AKAP19: variants seen among roughly 807,000 people sequenced by gnomAD.
AKAP19 encodes the protein small A-kinase anchoring protein.
the AKAP19 span, among the ~76,000 whole-genome samples, chr2:189,891,448 C>A: frequency 6.6e-6 from 1 of 151,972 alleles, no homozygotes; most frequent in Non-Finnish European, 1.5e-5. Context: ...TGGTCTCAAT[C>A]TCCTGACCTC....
chr2:190,102,210 G>A, the AKAP19 span, among the ~76,000 whole-genome samples: 1 of 152,032 alleles, frequency 6.6e-6, no homozygotes, highest in East Asian at 1.9e-4. Flanking sequence ...AAAGTTCATA[G>A]CACTAAACAC....
At chr2:190,053,675 T>G in the AKAP19 span, among the ~76,000 whole-genome samples, 1 of 152,170 alleles carries the variant, frequency 6.6e-6, no homozygotes, top group Non-Finnish European at 1.5e-5. Context: ...TATAGTTTCA[T>G]TTCTTAGTTA....
the AKAP19 span, chr2:190,200,130 TGA>T: frequency 1.2e-6 from 2 of 1,613,784 alleles, no homozygotes; most frequent in African/African-American, 1.3e-5. Context: ...TTCCATACAT[TGA>T]GAGTGAGGGG....
chr2:190,200,313 C>A, the AKAP19 span: 3 of 638,924 alleles, frequency 4.7e-6, no homozygotes, highest in Non-Finnish European at 8.3e-6. Flanking sequence ...ATTTTAAGTA[C>A]TTCTATGTTA....
the AKAP19 span, among the ~76,000 whole-genome samples, chr2:189,888,999 C>T: frequency 2.0e-5 from 3 of 152,160 alleles, no homozygotes; most frequent in African/African-American, 7.2e-5. Context: ...GAGAGGGCAT[C>T]CCTGTCTTGT....
At chr2:189,928,651 G>T in the AKAP19 span, among the ~76,000 whole-genome samples, 1 of 151,728 alleles carries the variant, frequency 6.6e-6, no homozygotes, top group Non-Finnish European at 1.5e-5. Context: ...TCCATCATGG[G>T]GCTCATAAGG....
chr2:190,070,790 T>C, the AKAP19 span, among the ~76,000 whole-genome samples: 1 of 152,184 alleles, frequency 6.6e-6, no homozygotes, highest in African/African-American at 2.4e-5. Context: ...ATATATTTTT[T>C]AAAAATCTCC....
At chr2:190,116,209 T>C in the AKAP19 span, among the ~76,000 whole-genome samples, 1 of 152,232 alleles carries the variant, frequency 6.6e-6, no homozygotes, top group Non-Finnish European at 1.5e-5. Flanking sequence ...AAAAAATACC[T>C]GAGACCAAGT....
the AKAP19 span, chr2:189,924,016 C>T: frequency 6.3e-7 from 1 of 1,576,828 alleles, no homozygotes; most frequent in Non-Finnish European, 8.7e-7. Flanking sequence ...AGAGCAGCAG[C>T]TCCGTGAAGA....
the AKAP19 span, among the ~76,000 whole-genome samples, chr2:190,058,876 C>T: frequency 6.6e-6 from 1 of 151,994 alleles, no homozygotes; most frequent in African/African-American, 2.4e-5. Flanking sequence ...ATATTTGGTA[C>T]AATATACACT....
At chr2:189,958,619 C>T in the AKAP19 span, among the ~76,000 whole-genome samples, 1,767 of 149,720 alleles carry the variant, frequency 0.012, 108 homozygotes, top group East Asian at 0.17. Context: ...TCCATTAGAA[C>T]CTCTTGCATA....
the AKAP19 span, among the ~76,000 whole-genome samples, chr2:189,898,317 C>G: frequency 6.6e-6 from 1 of 152,048 alleles, no homozygotes; most frequent in African/African-American, 2.4e-5. Flanking sequence ...GTTCTAAGCC[C>G]TTTGTATAAA....
chr2:190,181,085 G>T, the AKAP19 span: 3 of 985,624 alleles, frequency 3.0e-6, no homozygotes, highest in South Asian at 9.4e-5. Flanking sequence ...TGCCATGGGC[G>T]CGCAGCTGCC....
chr2:190,131,352 T>A, the AKAP19 span, among the ~76,000 whole-genome samples: 4 of 152,190 alleles, frequency 2.6e-5, no homozygotes, highest in Admixed American at 2.0e-4. Flanking sequence ...TGATTATACC[T>A]ACGTGATGAA....
chr2:189,955,823 T>C, the AKAP19 span, among the ~76,000 whole-genome samples: 9 of 152,252 alleles, frequency 5.9e-5, no homozygotes, highest in African/African-American at 1.9e-4. Flanking sequence ...AAAAGATTTG[T>C]ATTTTTGCTA....
At chr2:189,927,693 C>T in the AKAP19 span, among the ~76,000 whole-genome samples, 1 of 152,132 alleles carries the variant, frequency 6.6e-6, no homozygotes, top group South Asian at 2.1e-4. Context: ...TAAGGATATT[C>T]TCTCGTGTAA....
chr2:190,194,046 A>G, the AKAP19 span, among the ~76,000 whole-genome samples: 2 of 152,136 alleles, frequency 1.3e-5, no homozygotes, highest in African/African-American at 4.8e-5. Context: ...CCCATGGGTT[A>G]TTTAGAAATA....
At chr2:190,087,240 T>G in the AKAP19 span, among the ~76,000 whole-genome samples, 9 of 152,332 alleles carry the variant, frequency 5.9e-5, no homozygotes, top group South Asian at 1.9e-3. Context: ...AAGTCAGATT[T>G]TTCCAACAGA....
the AKAP19 span, among the ~76,000 whole-genome samples, chr2:189,883,505 C>T: frequency 1.5e-5 from 2 of 129,474 alleles, no homozygotes; most frequent in African/African-American, 7.0e-5. Context: ...TTGTTTCTTC[C>T]TGTTTTTTTT....
Sources: gnomAD v4.1 joint callset for allele counts (sites outside exome capture counted in the v4.1 genomes callset) on GRCh38, gnomAD v4.1.1 for gene constraint, MANE v1.5 for transcripts, NCBI Gene and HGNC (gene_info 2026-07-23, HGNC 2026-07-21) for gene names.